NOS3: variants seen among roughly 807,000 people sequenced by gnomAD.
NOS3 encodes the protein nitric oxide synthase 3, also known as NOS type III.
Under a neutral mutation model 144.9 loss-of-function variants are expected in NOS3, and 98 were observed. The observed-to-expected ratio is 0.68, with a 90% CI of 0.57 to 0.80. The LOEUF is 0.80. Ranked by LOEUF, NOS3 falls within the 30% of genes least tolerant of loss-of-function variation. The pLI, the probability that NOS3 is intolerant of heterozygous loss-of-function variation, is 0.00. For synonymous variants in NOS3, 714 were observed against 702.4 expected, an observed-to-expected ratio of 1.02 and a Z score of -0.26; for missense variants, 1,465 against 1,656.4, an observed-to-expected ratio of 0.88 and a Z score of 2.01.
In NOS3 at chr7:150,996,481, C is replaced by G. The variant is rs746341055; in HGVS notation, c.348C>G (p.Gly116=). Reference sequence around the variant, plus strand: ...AACTACAGGGCCGGCCCTCCCCCGGCCCCCCGGCCCCTGAGCAGCTGCTGA... The same window carrying G: ...AACTACAGGGCCGGCCCTCCCCCGGGCCCCCGGCCCCTGAGCAGCTGCTGA... ...PRKLQGRPSP[G]PPAPEQLLSQ... Residue 116 remains glycine, a synonymous_variant, in exon 4 of 27, where the codon GGC becomes GGG. Coordinates refer to ENST00000297494, the MANE Select transcript of NOS3 (RefSeq NM_000603.5). 6.3e-7 allele frequency: 1 copy of G among 1,595,858 alleles called. No individual in the cohort carries two copies. The highest frequency in any genetic ancestry group is 1.7e-5 in the Admixed American group (1 of 58,412).
At chr7:150,991,805 G>T (rs1471074595) in intron 1 of NOS3, among the ~76,000 whole-genome samples, 1 of 152,118 alleles carries the variant, frequency 6.6e-6, no homozygotes. Flanking sequence ...AGACCAGCCT[G>T]GTCAACATGG....
In NOS3 at chr7:151,002,461, T is replaced by C. The variant is rs923021877; in HGVS notation, c.1752+157T>C. Among the ~76,000 whole-genome samples, 4 of 119,034 alleles carry C rather than the reference T, an allele frequency of 3.4e-5. No homozygotes were observed. The highest frequency in any genetic ancestry group is 5.3e-4 in the East Asian group (2 of 3,768). 78.1% of individuals were successfully genotyped at this position (119,034 alleles called of 152,430 possible). On this transcript the variant is annotated intron_variant, in intron 14 of 26. Transcript: ENST00000297494. The surrounding 1 kb of genome is among the most constrained non-coding windows in gnomAD (Gnocchi z 4.1). Reference sequence around the variant, plus strand: ...ACACACACACACACACACGCCAGGATGGAAAGGGAGATGCTAAGAGACCCC... The same window carrying C: ...ACACACACACACACACACGCCAGGACGGAAAGGGAGATGCTAAGAGACCCC...
At chr7:151,008,691 G>A (rs1341800191) in intron 17 of NOS3, among the ~76,000 whole-genome samples, 2 of 152,150 alleles carry the variant, frequency 1.3e-5, no homozygotes, top group Non-Finnish European at 2.9e-5. Flanking sequence ...GGATTAACAC[G>A]CACCAGATAA....
At chr7:151,012,193 G>A (rs1320179749) in intron 23 of NOS3, 158 bp from the exon 24 acceptor site, 1 of 611,970 alleles carries the variant, frequency 1.6e-6, no homozygotes, top group East Asian at 2.8e-5. Context: ...GATCCAAGGA[G>A]TTTCAGCAAG....
Position 150,998,926 on chromosome 7 carries a change from C to T in NOS3, c.817-20C>T, listed in dbSNP as rs770028752. 2 of 1,605,006 alleles carry T rather than the reference C, an allele frequency of 1.2e-6. No individual in the cohort carries two copies. The highest frequency in any genetic ancestry group is 2.2e-5 in the South Asian group (2 of 90,342). The stretch of plus-strand genomic sequence containing the variant: ...GCATGAGGCTCAGCCCCAGAACCCC[C>T]TCTGGCCCACTCCCCACAGCTCTGC... On this transcript the variant is annotated intron_variant, in intron 7 of 26. Transcript: ENST00000297494. This position sits in a 1 kb window ranked among gnomAD's most constrained non-coding sequence, Gnocchi z 5.0.
In NOS3 at chr7:151,009,224, G is replaced by T; in HGVS notation, c.2281G>T (p.Ala761Ser). Residue 761 changes from alanine to serine, a missense_variant, in exon 19 of 27, where the codon GCT (alanine) becomes TCT (serine). Coordinates refer to ENST00000297494, the MANE Select transcript of NOS3 (RefSeq NM_000603.5). The part of the protein sequence containing the change: ...IHVHRRKMFQ[A>S]TIRSVENLQS... The stretch of plus-strand genomic sequence containing the variant: ...CGTGCACAGGCGGAAGATGTTCCAG[G>T]CTACAATCCGCTCAGTGGAAAACCT... 2 of 1,613,892 alleles carry T rather than the reference G, an allele frequency of 1.2e-6. No homozygotes were observed. The highest frequency in any genetic ancestry group is 1.7e-6 in the Non-Finnish European group (2 of 1,179,896).
chr7:151,012,375 C>T lies in NOS3; in HGVS notation c.3009C>T (p.Pro1003=), dbSNP rs745904496. The T allele has an allele frequency of 1.1e-5, 17 of 1,581,040 alleles. No individual in the cohort carries two copies. Among genetic ancestry groups the T allele is most frequent in the Non-Finnish European group, 1.4e-5 (16 of 1,163,710 alleles). ...GGGCTCCCTCCTTCCGGCTGCCACCCGATCCCAGCTTGCCCTGCATCCTGG... is the reference window on the plus strand; with the variant it reads ...GGGCTCCCTCCTTCCGGCTGCCACCTGATCCCAGCTTGCCCTGCATCCTGG... The part of the protein sequence containing the change: ...IRGAPSFRLP[P]DPSLPCILVG... The change falls in exon 24 of 27, where the codon CCC becomes CCT. Residue 1003 remains proline, a synonymous_variant. Transcript: ENST00000297494.
rs1238557283 is a variant in NOS3, at chr7:151,013,847, G to T, written c.3379G>T (p.Val1127Leu). Reference sequence around the variant, plus strand: ...CATGGCAACCAACGTCCTGCAGACCGTGCAGCGCATCCTGGCGACGGAGGG... The same window carrying T: ...CATGGCAACCAACGTCCTGCAGACCTTGCAGCGCATCCTGGCGACGGAGGG... ...VTMATNVLQT[V>L]QRILATEGDM... The change falls in exon 26 of 27, where the codon GTG becomes TTG. Residue 1127 changes from valine to leucine, a missense_variant. By Grantham distance (32) the Val-to-Leu change is conservative. Around this residue, in one of 5 missense-constraint regions of NOS3, gnomAD observed 228 missense variants for 227.7 expected, o/e 1.00. Coordinates refer to ENST00000297494, the MANE Select transcript of NOS3 (RefSeq NM_000603.5). The T allele has an allele frequency of 3.1e-6, 5 of 1,605,260 alleles. No homozygotes were observed. The highest frequency in any genetic ancestry group is 3.4e-6 in the Non-Finnish European group (4 of 1,176,550).
chr7:150,997,213 G>A (rs1006219292), intron 5 of NOS3, among the ~76,000 whole-genome samples: 6 of 151,508 alleles, frequency 4.0e-5, no homozygotes, highest in Admixed American at 1.3e-4. Context: ...TAGACCTGCT[G>A]CAGGGGTGAG....
chr7:151,014,113 C>T lies in NOS3; in HGVS notation c.3556C>T (p.Arg1186Trp), dbSNP rs770226032. ...QSFSLQERQL[R>W]GAVPWAFDPP... ...CTTTTCCTTGCAGGAGCGTCAGTTG[C>T]GGGGCGCAGTGCCCTGGGCGTTCGA... The change falls in exon 27 of 27, where the codon CGG becomes TGG. Residue 1186 changes from arginine (R) to tryptophan (W), a missense_variant. Transcript: ENST00000297494. 5 of 1,613,320 alleles carry T rather than the reference C, an allele frequency of 3.1e-6. No individual in the cohort carries two copies. Among genetic ancestry groups the T allele is most frequent in the East Asian group, 4.5e-5 (2 of 44,884 alleles).
chr7:150,996,965 A>G (rs1347528798), intron 5 of NOS3, 40 bp downstream of exon 5: 2 of 1,533,592 alleles, frequency 1.3e-6, no homozygotes, highest in African/African-American at 2.7e-5. Flanking sequence ...GGCGCTACCA[A>G]AAGGGGAGCG....
At chr7:150,995,566 T>TCTGC (rs2117099401) in intron 3 of NOS3, among the ~76,000 whole-genome samples, 1 of 18,602 alleles carries the variant, frequency 5.4e-5, no homozygotes, top group African/African-American at 2.3e-4. Context: ...CTTTCCCCCC[T>TCTGC]CCCACCCCTG....
At chr7:150,995,950 G>A (rs1428622257) in intron 3 of NOS3, among the ~76,000 whole-genome samples, 1 of 696 alleles carries the variant, frequency 1.4e-3, no homozygotes, top group African/African-American at 0.031. Flanking sequence ...CCCTCTCCCC[G>A]TCCCATCCCT....
In NOS3 at chr7:151,010,188, C is replaced by T; in HGVS notation, c.2586C>T (p.Phe862=). 2 of 1,612,230 alleles carry T rather than the reference C, an allele frequency of 1.2e-6. No homozygotes were observed. The highest frequency in any genetic ancestry group is 1.1e-5 in the South Asian group (1 of 91,000). The change falls in exon 21 of 27, where the codon TTC becomes TTT. Residue 862 remains phenylalanine, a synonymous_variant. Transcript: ENST00000297494. ...PCTLRQALTF[F]LDITSPPSPQ... is the part of the protein sequence containing the mutation. ...CGCTGCGCCAGGCTCTCACCTTCTT[C>T]CTGGACATCACCTCCCCACCCAGCC...
chr7:151,013,831 C>T lies in NOS3; in HGVS notation c.3363C>T (p.Thr1121=). The T allele has an allele frequency of 3.1e-6, 5 of 1,607,590 alleles. No individual in the cohort carries two copies. The highest frequency in any genetic ancestry group is 4.2e-6 in the Non-Finnish European group (5 of 1,177,650). ...TCTGCGGCGATGTTACCATGGCAAC[C>T]AACGTCCTGCAGACCGTGCAGCGCA... ...MFVCGDVTMA[T]NVLQTVQRIL... Residue 1121 remains threonine (T), a synonymous_variant, in exon 26 of 27, where the codon ACC becomes ACT. Coordinates refer to ENST00000297494, the MANE Select transcript of NOS3 (RefSeq NM_000603.5).
chr7:151,006,831 G>T, intron 15 of NOS3, 58 bp from the exon 16 acceptor site: 7 of 1,385,414 alleles, frequency 5.1e-6, no homozygotes, highest in Non-Finnish European at 6.2e-6. Flanking sequence ...GCTGGGGCTG[G>T]GCCTAGCCTG....
intron 5 of NOS3, among the ~76,000 whole-genome samples, chr7:150,997,437 C>G (rs942033459): frequency 6.6e-6 from 1 of 152,142 alleles, no homozygotes; most frequent in African/African-American, 2.4e-5. Context: ...GCCCCTCACC[C>G]ACACCCACTG....
At chr7:151,001,135 G>A in intron 10 of NOS3, 96 bp from the exon 11 acceptor site, 4 of 1,232,222 alleles carry the variant, frequency 3.2e-6, no homozygotes, top group Non-Finnish European at 4.7e-6. Flanking sequence ...GGGTAATCGA[G>A]GGCACATGTG....
chr7:151,008,867 G>A (rs1035590402), intron 17 of NOS3, 63 bp from the exon 18 acceptor site: 71 of 1,516,176 alleles, frequency 4.7e-5, no homozygotes, highest in Non-Finnish European at 6.0e-5. Context: ...AGCCGCCCAG[G>A]CGCCTCACTA....
Sources: gnomAD v4.1 joint callset for allele counts (sites outside exome capture counted in the v4.1 genomes callset) on GRCh38, gnomAD v4.1.1 for gene constraint, gnomAD v4.1.1 regional missense constraint, Gnocchi (gnomAD v3.1) non-coding constraint, MANE v1.5 for transcripts, NCBI Gene and HGNC (gene_info 2026-07-23, HGNC 2026-07-21) for gene names.